CASR: variants seen among roughly 807,000 people sequenced by gnomAD.
CASR encodes extracellular calcium-sensing receptor.
Under a neutral mutation model 69.1 loss-of-function variants are expected in CASR, and 23 were observed. The observed-to-expected ratio is 0.33, with a 90% CI of 0.24 to 0.47. The LOEUF is 0.47. Among genes scored for constraint, CASR ranks in the 20% least tolerant of loss-of-function variants. The pLI, the probability that CASR is intolerant of heterozygous loss-of-function variation, is 1.00. For missense variants in CASR, 924 were observed against 1,356.1 expected, an observed-to-expected ratio of 0.68 and a Z score of 5.00; for synonymous variants, 541 against 544.7, an observed-to-expected ratio of 0.99 and a Z score of 0.10.
intron 1 of CASR, chr3:122,184,367 C>G (rs986928824): frequency 7.2e-5 from 11 of 152,888 alleles, no homozygotes; most frequent in African/African-American, 2.6e-4. Flanking sequence ...AGGCGGGCGC[C>G]GGGAGCGCAG....
intron 1 of CASR, among the ~76,000 whole-genome samples, chr3:122,237,031 TG>T (rs1405600753): frequency 6.6e-6 from 1 of 151,908 alleles, no homozygotes; most frequent in East Asian, 1.9e-4. Flanking sequence ...TTCTTTAAAA[TG>T]GGGTAATGAA....
intron 1 of CASR, among the ~76,000 whole-genome samples, chr3:122,211,102 T>C (rs899246770): frequency 6.6e-6 from 1 of 152,088 alleles, no homozygotes; most frequent in Non-Finnish European, 1.5e-5. Flanking sequence ...ATGAATTAAA[T>C]ACTTAAATTT....
At position 122,215,115 on chromosome 3, in the gene CASR, C is replaced by A. The variant is rs546885509; in HGVS notation, c.-243+31303C>A. The stretch of plus-strand genomic sequence containing the variant: ...CAGACGGAGAAAGTCTTTGCCTATG[C>A]ACTTGAGAAAGCTGGGCCATACCAT... On this transcript the variant is annotated intron_variant, in intron 1 of 6. Transcript: ENST00000639785. Among the ~76,000 whole-genome samples, 79 of 152,328 alleles carry A rather than the reference C, an allele frequency of 5.2e-4. 1 individual carries two copies. The South Asian group carries it at 0.016, about 30-fold the overall frequency.
In CASR at chr3:122,262,302, G is replaced by A. The variant is rs2074637455; in HGVS notation, c.1267G>A (p.Ala423Thr). 6.2e-7 allele frequency: 1 copy of A among 1,614,102 alleles called. No individual in the cohort carries two copies. Among genetic ancestry groups the A allele is most frequent in the Non-Finnish European group, 8.5e-7 (1 of 1,179,992 alleles). Residue 423 changes from alanine (A) to threonine (T), a missense_variant, in exon 4 of 7, where the codon GCA (alanine) becomes ACA (threonine). Physicochemically the swap from Ala to Thr is moderately conservative, Grantham distance 58. This residue lies in a region of CASR where 310 missense variants were observed against 395.7 expected (regional missense o/e 0.78). Transcript: ENST00000639785. ...HLRISYNVYL[A>T]VYSIAHALQD... ...ACGGATATCCTACAATGTGTACTTAGCAGTCTACTCCATTGCCCACGCCTT... is the reference window on the plus strand; with the variant it reads ...ACGGATATCCTACAATGTGTACTTAACAGTCTACTCCATTGCCCACGCCTT...
intron 1 of CASR, among the ~76,000 whole-genome samples, chr3:122,212,088 A>G (rs1420231612): frequency 3.9e-5 from 6 of 152,352 alleles, no homozygotes; most frequent in East Asian, 1.9e-4. Flanking sequence ...AAATCATTCT[A>G]TTATAAACAT....
intron 1 of CASR, among the ~76,000 whole-genome samples, chr3:122,206,396 G>C (rs1048654983): frequency 1.6e-4 from 25 of 151,924 alleles, no homozygotes; most frequent in African/African-American, 6.0e-4. Flanking sequence ...TGAGTATGTG[G>C]AACCATCCTT....
chr3:122,186,816 C>T (rs558973466), intron 1 of CASR, among the ~76,000 whole-genome samples: 116 of 152,198 alleles, frequency 7.6e-4, no homozygotes, highest in African/African-American at 2.5e-3. Context: ...CAGAATGTAT[C>T]CACTAGGAAT....
Position 122,207,310 on chromosome 3 carries a change from C to A in CASR, c.-243+23498C>A, listed in dbSNP as rs552299394. Among the ~76,000 whole-genome samples, 12 of 152,158 alleles carry A rather than the reference C, an allele frequency of 7.9e-5. No homozygotes were observed. In the South Asian group the frequency reaches 2.5e-3, roughly 32 times the overall value. ...AACATCAGAGTTAAACTACACAACA[C>A]ACCTAATAGGCCTAACTGACATTTA... On this transcript the variant is annotated intron_variant, in intron 1 of 6. Transcript: ENST00000639785.
rs752076655 is a variant in CASR at position 122,261,560 on chromosome 3, C to G, written c.525C>G (p.Ser175Arg). 6.2e-7 allele frequency: 1 copy of G among 1,614,198 alleles called. No individual in the cohort carries two copies. Among genetic ancestry groups the G allele is most frequent in the East Asian group, 2.2e-5 (1 of 44,890 alleles). Reference protein sequence around the residue: ...VSYASSSRLLSNKNQFKSFLR... With the variant: ...VSYASSSRLLRNKNQFKSFLR... ...ATGCCTCCTCCAGCAGACTCCTCAG[C>G]AACAAGAATCAATTCAAGTCTTTCC... Residue 175 changes from serine to arginine, a missense_variant, in exon 4 of 7, where the codon AGC (serine) becomes AGG (arginine). Physicochemically the swap from Ser to Arg is moderately radical, Grantham distance 110. This residue lies in a region of CASR where 141 missense variants were observed against 283.0 expected (regional missense o/e 0.50). Transcript: ENST00000639785.
chr3:122,212,450 T>C (rs2074077993), intron 1 of CASR, among the ~76,000 whole-genome samples: 5 of 152,160 alleles, frequency 3.3e-5, no homozygotes, highest in Non-Finnish European at 5.9e-5. Context: ...AGCTAATGCA[T>C]GCTGGGCTTA....
At chr3:122,260,406 G>C (rs1233884861) in intron 3 of CASR, among the ~76,000 whole-genome samples, 1 of 152,224 alleles carries the variant, frequency 6.6e-6, no homozygotes, top group Non-Finnish European at 1.5e-5. Flanking sequence ...GTCTTAGAGA[G>C]TGCAAACATG....
chr3:122,216,634 T>C (rs2074119911), intron 1 of CASR, among the ~76,000 whole-genome samples: 1 of 152,224 alleles, frequency 6.6e-6, no homozygotes, highest in Non-Finnish European at 1.5e-5. Flanking sequence ...AACTATACCA[T>C]TCTAATAGTG....
chr3:122,278,120 TTG>T (rs3838599), intron 5 of CASR, among the ~76,000 whole-genome samples: 25,685 of 152,054 alleles, frequency 0.17, 2,591 homozygotes, highest in East Asian at 0.4. Context: ...TTTCACAAAG[TTG>T]TTATTGAGAT....
intron 1 of CASR, among the ~76,000 whole-genome samples, chr3:122,233,782 C>T (rs1436270077): frequency 6.6e-6 from 1 of 152,194 alleles, no homozygotes; most frequent in Non-Finnish European, 1.5e-5. Flanking sequence ...GTGGAACTGA[C>T]CCATTTGACA....
intron 3 of CASR, among the ~76,000 whole-genome samples, chr3:122,261,079 A>G (rs1001070913): frequency 6.6e-6 from 1 of 152,244 alleles, no homozygotes; most frequent in African/African-American, 2.4e-5. Context: ...ATTGCAGTAA[A>G]GGGAAGTTAA....
At chr3:122,267,608 A>G (rs2074709413) in intron 4 of CASR, among the ~76,000 whole-genome samples, 1 of 152,224 alleles carries the variant, frequency 6.6e-6, no homozygotes, top group African/African-American at 2.4e-5. Context: ...TACTGACAGA[A>G]AGAAAGCAGA....
intron 1 of CASR, among the ~76,000 whole-genome samples, chr3:122,230,680 G>T (rs1298050905): frequency 6.6e-6 from 1 of 152,148 alleles, no homozygotes; most frequent in Admixed American, 6.5e-5. Flanking sequence ...TTCCACTGAG[G>T]TTCCACCTGC....
At chr3:122,186,470 T>TA (rs1358717497) in intron 1 of CASR, among the ~76,000 whole-genome samples, 2 of 152,088 alleles carry the variant, frequency 1.3e-5, no homozygotes, top group African/African-American at 2.4e-5. Flanking sequence ...AAGTAAGAGG[T>TA]AAAAAAATCA....
At chr3:122,204,176 A>G (rs2073984089) in intron 1 of CASR, among the ~76,000 whole-genome samples, 1 of 152,144 alleles carries the variant, frequency 6.6e-6, no homozygotes, top group South Asian at 2.1e-4. Flanking sequence ...CTGCTGATCT[A>G]TCTAAACACT....
Sources: allele counts gnomAD v4.1 joint callset (sites outside exome capture counted in the v4.1 genomes callset), GRCh38; gene constraint gnomAD v4.1.1; regional missense constraint gnomAD v4.1.1; transcripts MANE v1.5; gene names NCBI Gene and HGNC (gene_info 2026-07-23, HGNC 2026-07-21).